Variants in KCNJ15 observed in about 807,000 individuals in gnomAD.
KCNJ15 encodes the protein potassium inwardly rectifying channel subfamily J member 15.
Under a neutral mutation model 23.0 loss-of-function variants are expected in KCNJ15, and 14 were observed. The ratio of observed to expected loss-of-function variants is 0.61; its 90% CI spans 0.40 to 0.95. The LOEUF is 0.95. Ranked by LOEUF, KCNJ15 falls within the 40% of genes least tolerant of loss-of-function variation. The pLI is 0.00. For synonymous variants in KCNJ15, 185 were observed against 183.2 expected, an observed-to-expected ratio of 1.01 and a Z score of -0.08; for missense variants, 388 against 461.8, an observed-to-expected ratio of 0.84 and a Z score of 1.46.
At chr21:38,289,196 CAA>C (rs66914079) in intron 1 of KCNJ15, among the ~76,000 whole-genome samples, 1,612 of 72,364 alleles carry the variant, frequency 0.022, 25 homozygotes, top group African/African-American at 0.062. Context: ...AAGACTGTCT[CAA>C]AAAAAAAAAA....
At chr21:38,273,218 A>G (rs1183208079) in intron 1 of KCNJ15, among the ~76,000 whole-genome samples, 1 of 152,214 alleles carries the variant, frequency 6.6e-6, no homozygotes, top group Non-Finnish European at 1.5e-5. Flanking sequence ...AACAGTAGCT[A>G]GCTAATACTC....
intron 1 of KCNJ15, among the ~76,000 whole-genome samples, chr21:38,282,205 G>A (rs538905563): frequency 6.6e-6 from 1 of 152,176 alleles, no homozygotes; most frequent in African/African-American, 2.4e-5. Flanking sequence ...GGATAAAGTG[G>A]AAGCTACAAT....
At chr21:38,233,295 C>T (rs546519701) in intron 1 of KCNJ15, among the ~76,000 whole-genome samples, 68 of 152,140 alleles carry the variant, frequency 4.5e-4, no homozygotes, top group African/African-American at 1.3e-3. Flanking sequence ...GCTAGTGGCA[C>T]GACATATCTT....
upstream of KCNJ15, among the ~76,000 whole-genome samples, chr21:38,252,009 A>G (rs370042638): frequency 1.2e-4 from 19 of 152,284 alleles, no homozygotes; most frequent in East Asian, 3.5e-3. Flanking sequence ...GTGGGAGGCT[A>G]GAGGTTGCTT....
chr21:38,254,542 A>C (rs950248866), upstream of KCNJ15, among the ~76,000 whole-genome samples: 2 of 152,246 alleles, frequency 1.3e-5, no homozygotes, highest in Non-Finnish European at 2.9e-5. Context: ...CCAGAGTATT[A>C]AACTGTGGTT....
intron 1 of KCNJ15, among the ~76,000 whole-genome samples, chr21:38,239,299 C>T (rs1015494633): frequency 1.3e-5 from 2 of 152,120 alleles, no homozygotes; most frequent in Non-Finnish European, 2.9e-5. Context: ...TGTTTGACCA[C>T]GACAAGGTCA....
intron 1 of KCNJ15, among the ~76,000 whole-genome samples, chr21:38,292,511 G>A (rs1228651663): frequency 6.6e-6 from 1 of 152,212 alleles, no homozygotes; most frequent in East Asian, 1.9e-4. Flanking sequence ...CATGATAAAT[G>A]TAAATATTGA....
intron 1 of KCNJ15, among the ~76,000 whole-genome samples, chr21:38,267,498 G>A (rs112884526): frequency 0.014 from 2,189 of 152,290 alleles, 47 homozygotes; most frequent in African/African-American, 0.048. Context: ...CCACCACGCT[G>A]CAGGAGAGTG....
At chr21:38,289,230 T>TGCTTC (rs1397563210) in intron 1 of KCNJ15, among the ~76,000 whole-genome samples, 1 of 150,160 alleles carries the variant, frequency 6.7e-6, no homozygotes, top group Non-Finnish European at 1.5e-5. Context: ...GTCAAATACT[T>TGCTTC]GCTTCTCTAC....
At position 38,276,463 on chromosome 21, in the gene KCNJ15, T is replaced by C. The variant is rs534538819; in HGVS notation, c.-117+19278T>C. 2.6e-5 allele frequency among the ~76,000 whole-genome samples: 4 copies of C among 152,262 alleles called. No individual in the cohort carries two copies. In the East Asian group the frequency reaches 7.7e-4, roughly 29 times the overall value. On this transcript the variant is annotated intron_variant, in intron 1 of 2. Coordinates refer to ENST00000398938, the MANE Select transcript of KCNJ15 (RefSeq NM_170736.3). ...TTCTCTCAATCACCCATTCTATGTTTTATTTAAAATGGTAATAGGAATAGC... is the reference window on the plus strand; with the variant it reads ...TTCTCTCAATCACCCATTCTATGTTCTATTTAAAATGGTAATAGGAATAGC...
rs748724940 is a variant in KCNJ15, at chr21:38,300,335, G to A, written c.1074G>A (p.Glu358=). Residue 358 remains glutamate (E), a synonymous_variant, in exon 3 of 3, where the codon GAG becomes GAA. Coordinates refer to ENST00000398938, the MANE Select transcript of KCNJ15 (RefSeq NM_170736.3). ...AACTCGAGGAGAAGTACAGGCAGGA[G>A]GATCAGAGGGAAAGAGAACTGAGGA... ...KQQLEEKYRQ[E]DQRERELRTL... The A allele has an allele frequency of 6.2e-7, 1 of 1,614,062 alleles. No individual in the cohort carries two copies. The highest frequency in any genetic ancestry group is 1.1e-5 in the South Asian group (1 of 91,078).
intron 1 of KCNJ15, among the ~76,000 whole-genome samples, chr21:38,231,286 T>C (rs1055300918): frequency 1.3e-5 from 2 of 152,024 alleles, no homozygotes; most frequent in African/African-American, 4.8e-5. Context: ...AATTTGTGTA[T>C]ATTTATCTTG....
chr21:38,265,772 A>G (rs1481179052), intron 1 of KCNJ15, among the ~76,000 whole-genome samples: 1 of 152,240 alleles, frequency 6.6e-6, no homozygotes, highest in Non-Finnish European at 1.5e-5. Flanking sequence ...CCAAAGCACA[A>G]GAAAGGCTGC....
chr21:38,271,815 C>T (rs1982128486), intron 1 of KCNJ15, among the ~76,000 whole-genome samples: 1 of 152,178 alleles, frequency 6.6e-6, no homozygotes, highest in South Asian at 2.1e-4. Context: ...AGAAAACGCC[C>T]ATAGAAATTC....
chr21:38,254,219 C>G (rs1980033278), upstream of KCNJ15, among the ~76,000 whole-genome samples: 1 of 152,198 alleles, frequency 6.6e-6, no homozygotes, highest in Non-Finnish European at 1.5e-5. Flanking sequence ...GCCTCTATGA[C>G]AGAAGTCACA....
chr21:38,298,945 TGTATTGCCATTTTAAACACTGGAGA>T (rs1168436191), intron 2 of KCNJ15, among the ~76,000 whole-genome samples: 1 of 147,730 alleles, frequency 6.8e-6, no homozygotes, highest in African/African-American at 2.7e-5. Flanking sequence ...AGGAATAGGT[TGTATTGCCATTTTAAACACTGGAGA>T]GCAAAGGTCC....
chr21:38,277,679 TAACTC>T (rs767594309), intron 1 of KCNJ15, among the ~76,000 whole-genome samples: 119 of 152,290 alleles, frequency 7.8e-4, no homozygotes, highest in Non-Finnish European at 1.4e-3. Context: ...AAGTTCTTCT[TAACTC>T]AGAAGATTTC....
intron 1 of KCNJ15, among the ~76,000 whole-genome samples, chr21:38,276,602 G>C (rs190129820): frequency 3.9e-5 from 6 of 152,066 alleles, no homozygotes; most frequent in Non-Finnish European, 8.8e-5. Flanking sequence ...GAACTATTGG[G>C]CACTGGGCTT....
At chr21:38,285,406 C>T (rs1983782778) in intron 1 of KCNJ15, among the ~76,000 whole-genome samples, 2 of 152,136 alleles carry the variant, frequency 1.3e-5, no homozygotes, top group African/African-American at 4.8e-5. Flanking sequence ...TGATCATCAT[C>T]GCCATTCTGC....
Sources: gnomAD v4.1 joint callset for allele counts (sites outside exome capture counted in the v4.1 genomes callset) on GRCh38, gnomAD v4.1.1 for gene constraint, MANE v1.5 for transcripts, NCBI Gene and HGNC (gene_info 2026-07-23, HGNC 2026-07-21) for gene names.